The following PTPRD variants were observed in gnomAD, a reference collection of about 807,000 sequenced individuals.
The protein encoded by PTPRD is receptor-type tyrosine-protein phosphatase delta.
A neutral mutation model predicts 214.5 loss-of-function variants in PTPRD; 34 were observed. The observed-to-expected ratio is 0.16, with a 90% CI of 0.12 to 0.21. The LOEUF is 0.21. Ranked by LOEUF, PTPRD falls within the 10% of genes least tolerant of loss-of-function variation. The probability of loss-of-function intolerance (pLI) is 1.00; values close to 1 mark genes in which losing one functional copy is unlikely to be tolerated. For synonymous variants in PTPRD, 1,128 were observed against 845.7 expected (o/e 1.33, Z -5.79); for missense variants, 2,545 against 2,398.7 (o/e 1.06, Z -1.27).
chr9:9,526,235 G>A (rs1324547794), intron 8 of PTPRD, among the ~76,000 whole-genome samples: 1 of 152,094 alleles, frequency 6.6e-6, no homozygotes, highest in East Asian at 1.9e-4. Flanking sequence ...AATGTATGCA[G>A]CCTACTGATG....
At chr9:8,990,196 C>T (rs73437890) in intron 11 of PTPRD, among the ~76,000 whole-genome samples, 52 of 152,266 alleles carry the variant, frequency 3.4e-4, no homozygotes, top group African/African-American at 1.2e-3. Flanking sequence ...CCACATTCAA[C>T]TGGCCTCTGG....
chr9:9,352,907 A>G (rs1302758121), intron 9 of PTPRD, among the ~76,000 whole-genome samples: 1 of 152,026 alleles, frequency 6.6e-6, no homozygotes, highest in Non-Finnish European at 1.5e-5. Flanking sequence ...GTGTTTTTAT[A>G]GAAAACGCTA....
At chr9:8,627,022 T>C (rs1031583804) in intron 14 of PTPRD, among the ~76,000 whole-genome samples, 1 of 151,802 alleles carries the variant, frequency 6.6e-6, no homozygotes, top group Admixed American at 6.6e-5. Flanking sequence ...AAGAAGCTTC[T>C]AGTTTCTACT....
chr9:10,573,333 C>T (rs1027040420), intron 2 of PTPRD, among the ~76,000 whole-genome samples: 3 of 152,080 alleles, frequency 2.0e-5, no homozygotes, highest in Admixed American at 1.3e-4. Flanking sequence ...AATACAAGTT[C>T]CCAAATGCAA....
At chr9:8,505,386 G>C (rs962955872) in intron 22 of PTPRD, among the ~76,000 whole-genome samples, 2 of 152,112 alleles carry the variant, frequency 1.3e-5, no homozygotes, top group Middle Eastern at 6.3e-3. Context: ...ACTTTGGGAG[G>C]CCAAGGCGGG....
chr9:9,109,788 T>C (rs1359217810), intron 10 of PTPRD, among the ~76,000 whole-genome samples: 2 of 152,172 alleles, frequency 1.3e-5, no homozygotes, highest in African/African-American at 2.4e-5. Context: ...ATTTATTTTC[T>C]TTTTGATTCT....
At chr9:8,708,307 A>G (rs1463430481) in intron 12 of PTPRD, among the ~76,000 whole-genome samples, 1 of 152,134 alleles carries the variant, frequency 6.6e-6, no homozygotes, top group East Asian at 1.9e-4. Context: ...GGGAACCCAT[A>G]CACGCTACTG....
At chr9:8,404,750 A>C (rs1384678605) in intron 35 of PTPRD, 90 bp from the exon 36 acceptor site, 2 of 1,437,060 alleles carry the variant, frequency 1.4e-6, no homozygotes, top group African/African-American at 2.8e-5. Flanking sequence ...ACATGATTTA[A>C]AAGGAAAATT....
intron 3 of PTPRD, among the ~76,000 whole-genome samples, chr9:10,154,647 TC>T (rs1287487347): frequency 6.6e-6 from 1 of 152,124 alleles, no homozygotes; most frequent in Non-Finnish European, 1.5e-5. Flanking sequence ...CTATATGGGG[TC>T]CAGTTTCAGT....
intron 5 of PTPRD, among the ~76,000 whole-genome samples, chr9:9,840,115 G>C (rs1160338812): frequency 1.3e-5 from 2 of 151,994 alleles, no homozygotes; most frequent in African/African-American, 4.8e-5. Flanking sequence ...TCAGCTCACT[G>C]CAACTTCCAC....
chr9:9,420,834 T>C (rs1467075130), intron 8 of PTPRD, among the ~76,000 whole-genome samples: 1 of 152,002 alleles, frequency 6.6e-6, no homozygotes, highest in African/African-American at 2.4e-5. Flanking sequence ...ATTTCACTTA[T>C]GTATCTATAT....
chr9:10,231,989 A>AGTGTGTGTGTGTGTGT (rs61314978), intron 3 of PTPRD, among the ~76,000 whole-genome samples: 13 of 92,496 alleles, frequency 1.4e-4, no homozygotes, highest in Non-Finnish European at 2.2e-4. Flanking sequence ...AGAGAGAGAG[A>AGTGTGTGTGTGTGTGT]GTGTGTGTGT....
intron 8 of PTPRD, among the ~76,000 whole-genome samples, chr9:9,531,514 G>T (rs1222833197): frequency 2.0e-5 from 3 of 152,138 alleles, no homozygotes; most frequent in Non-Finnish European, 4.4e-5. Context: ...ATGTTTGAAA[G>T]AATTTTGTTG....
chr9:8,670,040 CAAGT>C (rs1362708684), intron 12 of PTPRD, among the ~76,000 whole-genome samples: 2 of 150,362 alleles, frequency 1.3e-5, no homozygotes, highest in Non-Finnish European at 3.0e-5. Flanking sequence ...TTTAATTCAT[CAAGT>C]AAGACAAGTG....
At chr9:9,585,730 C>A (rs1413572547) in intron 7 of PTPRD, among the ~76,000 whole-genome samples, 1 of 151,940 alleles carries the variant, frequency 6.6e-6, no homozygotes, top group Non-Finnish European at 1.5e-5. Context: ...AAAGACCATC[C>A]AGATGTGAAT....
intron 5 of PTPRD, among the ~76,000 whole-genome samples, chr9:9,878,693 A>G (rs929722692): frequency 2.6e-5 from 4 of 152,174 alleles, no homozygotes; most frequent in African/African-American, 9.6e-5. Context: ...ACTGTCTTTA[A>G]GCATAACCCA....
At chr9:8,930,746 G>T (rs1299608696) in intron 11 of PTPRD, among the ~76,000 whole-genome samples, 2 of 152,150 alleles carry the variant, frequency 1.3e-5, no homozygotes, top group Admixed American at 6.5e-5. Flanking sequence ...TCTTTTGGCT[G>T]CATTAATGTC....
At chr9:9,237,904 A>C (rs1348528239) in intron 9 of PTPRD, among the ~76,000 whole-genome samples, 1 of 152,166 alleles carries the variant, frequency 6.6e-6, no homozygotes, top group Non-Finnish European at 1.5e-5. Context: ...TCCTCAAATT[A>C]GCTCCTCTAA....
At chr9:10,026,758 G>A (rs1395445342) in intron 4 of PTPRD, among the ~76,000 whole-genome samples, 1 of 151,964 alleles carries the variant, frequency 6.6e-6, no homozygotes, top group African/African-American at 2.4e-5. Flanking sequence ...AACCATCACG[G>A]TGGGGACTGG....
Sources: allele counts gnomAD v4.1 joint callset (sites outside exome capture counted in the v4.1 genomes callset), GRCh38; gene constraint gnomAD v4.1.1; transcripts MANE v1.5; gene names NCBI Gene and HGNC (gene_info 2026-07-23, HGNC 2026-07-21).